Variants in ZBTB37 observed in about 807,000 individuals in gnomAD.
ZBTB37 encodes the protein zinc finger and BTB domain containing 37.
A neutral mutation model predicts 37.7 loss-of-function variants in ZBTB37; 15 were observed. That is an observed-to-expected ratio of 0.40 (90% CI 0.27 to 0.61). The LOEUF (loss-of-function observed/expected upper bound fraction) is 0.61, where lower values mean the gene tolerates loss of function less well. ZBTB37 is among the 20% of genes least tolerant of loss of function. The pLI is 0.44. For synonymous variants in ZBTB37, 231 were observed against 220.6 expected (o/e 1.05, Z -0.42); for missense variants, 514 against 641.9 (o/e 0.80, Z 2.15).
chr1:173,873,661 G>C (rs1557884256), intron 4 of ZBTB37, 95 bp downstream of exon 4: 1 of 1,534,300 alleles, frequency 6.5e-7, no homozygotes, highest in Non-Finnish European at 8.8e-7. Context: ...TGTAGGAGAG[G>C]TAACAATGGC....
intron 4 of ZBTB37, among the ~76,000 whole-genome samples, chr1:173,881,710 G>A (rs1656318055): frequency 6.6e-6 from 1 of 152,122 alleles, no homozygotes; most frequent in South Asian, 2.1e-4. Context: ...GGCCAGTGAT[G>A]GTGAGCATTT....
chr1:173,881,289 CT>C (rs1466372765), intron 4 of ZBTB37, among the ~76,000 whole-genome samples: 1 of 152,124 alleles, frequency 6.6e-6, no homozygotes, highest in Non-Finnish European at 1.5e-5. Context: ...TGAACTCATC[CT>C]TTTTTATGGC....
exon 4 of ZBTB37, chr1:173,898,105 CT>C (rs1217602791): frequency 4.0e-5 from 6 of 151,504 alleles, no homozygotes; most frequent in South Asian, 2.1e-4. Flanking sequence ...TCCCCAACTT[CT>C]TTTTTTTTGG....
At chr1:173,891,031 C>T (rs1033760605), downstream of ZBTB37, 2 of 152,190 alleles carry the variant, frequency 1.3e-5, no homozygotes, top group African/African-American at 2.4e-5. Context: ...CCAACTTTTT[C>T]TAGATCCTCT....
At chr1:173,870,423 G>A (rs779871322) in exon 3 of ZBTB37, 7 of 1,614,072 alleles carry the variant, frequency 4.3e-6, no homozygotes, top group African/African-American at 1.3e-5. Flanking sequence ...TGAATGAGAT[G>A]AGTACAGTCT....
intron 4 of ZBTB37, among the ~76,000 whole-genome samples, chr1:173,882,991 T>C (rs773807275): frequency 6.6e-6 from 1 of 152,244 alleles, no homozygotes; most frequent in Non-Finnish European, 1.5e-5. Context: ...CAAATGCTAT[T>C]ACTATATTCA....
At chr1:173,886,004 C>T in exon 5 of ZBTB37, 1 of 1,551,784 alleles carries the variant, frequency 6.4e-7, no homozygotes. Flanking sequence ...CTCACAGCAT[C>T]TCCCCTGAAA....
chr1:173,877,319 A>G (rs1019566527), intron 4 of ZBTB37, among the ~76,000 whole-genome samples: 3 of 152,022 alleles, frequency 2.0e-5, no homozygotes, highest in East Asian at 1.9e-4. Context: ...TTAAAAGGCA[A>G]TGGAATAATG....
exon 4 of ZBTB37, chr1:173,898,493 G>C (rs966629257): frequency 2.7e-5 from 4 of 150,796 alleles, no homozygotes; most frequent in Non-Finnish European, 5.9e-5. Flanking sequence ...GGGCTCAAGC[G>C]ATCCTACCAC....
chr1:173,880,227 A>T (rs1047760845), intron 4 of ZBTB37, among the ~76,000 whole-genome samples: 2 of 152,226 alleles, frequency 1.3e-5, no homozygotes, highest in African/African-American at 4.8e-5. Context: ...AAGTAATTCT[A>T]AGTAACTAAG....
At chr1:173,894,831 C>G (rs61827934) in exon 4 of ZBTB37, 18,079 of 151,960 alleles carry the variant, frequency 0.12, 1,186 homozygotes, top group East Asian at 0.24. Context: ...TGTCTTGACT[C>G]TTTGGTGTTT....
chr1:173,870,670 C>T (rs1655486750), exon 3 of ZBTB37: 1 of 1,614,182 alleles, frequency 6.2e-7, no homozygotes, highest in Non-Finnish European at 8.5e-7. Flanking sequence ...TCAAGAGAGA[C>T]CTCCAGAGTC....
At chr1:173,880,148 T>C (rs1003238598) in intron 4 of ZBTB37, among the ~76,000 whole-genome samples, 2 of 152,196 alleles carry the variant, frequency 1.3e-5, no homozygotes, top group African/African-American at 4.8e-5. Flanking sequence ...GAGACCACGT[T>C]TTCTTATCTT....
At chr1:173,870,334 A>G in exon 3 of ZBTB37, 1 of 1,614,216 alleles carries the variant, frequency 6.2e-7, no homozygotes, top group Non-Finnish European at 8.5e-7. Context: ...TATTGTGGTC[A>G]ATGTGCAAGG....
chr1:173,888,772 T>G (rs537096106), downstream of ZBTB37: 1 of 152,304 alleles, frequency 6.6e-6, no homozygotes, highest in South Asian at 2.1e-4. Flanking sequence ...TCTTAGATTA[T>G]ATGTGAGAAA....
chr1:173,887,880 G>A (rs1656691744), downstream of ZBTB37: 1 of 152,196 alleles, frequency 6.6e-6, no homozygotes, highest in African/African-American at 2.4e-5. Flanking sequence ...GTGAAAAGGT[G>A]GGTAGAAAAG....
At chr1:173,875,100 C>G (rs1387735868) in intron 4 of ZBTB37, among the ~76,000 whole-genome samples, 2 of 139,856 alleles carry the variant, frequency 1.4e-5, no homozygotes, top group East Asian at 4.3e-4. Flanking sequence ...GACCTGGAAT[C>G]GAAAGTCTGA....
rs1396185290 is a variant in ZBTB37, at chr1:173,870,131, T to C, written c.-29-66T>C. 5.4e-6 allele frequency: 6 copies of C among 1,101,330 alleles called. No homozygotes were observed. In the African/African-American group the frequency reaches 7.9e-5, roughly 15 times the overall value. The allele number at this position is 1,101,330 out of a possible 1,614,324, so 68.2% of individuals were successfully genotyped here. A position where few individuals can be genotyped will look rare whatever the true frequency, so the allele number is the denominator to read the frequency against. Reference sequence around the variant, plus strand: ...ACCAGATAACTATGTTTAAATACTTTTGAAATGGAAACCATCCGGGAAGTA... The same window carrying C: ...ACCAGATAACTATGTTTAAATACTTCTGAAATGGAAACCATCCGGGAAGTA... On this transcript the variant is annotated intron_variant, in intron 2 of 4. Coordinates refer to ENST00000427304, the Ensembl canonical transcript of ZBTB37.
At chr1:173,869,578 G>A (rs1655366718) in intron 2 of ZBTB37, among the ~76,000 whole-genome samples, 1 of 152,138 alleles carries the variant, frequency 6.6e-6, no homozygotes, top group African/African-American at 2.4e-5. Flanking sequence ...TCTGCATCTT[G>A]GTTGAATCCT....
Sources: gnomAD v4.1 joint callset for allele counts (sites outside exome capture counted in the v4.1 genomes callset) on GRCh38, gnomAD v4.1.1 for gene constraint, MANE v1.5 for transcripts, NCBI Gene and HGNC (gene_info 2026-07-23, HGNC 2026-07-21) for gene names.